ZFHX3: variants seen among roughly 807,000 people sequenced by gnomAD.
ZFHX3 encodes zinc finger homeobox 3.
A neutral mutation model predicts 279.1 loss-of-function variants in ZFHX3; 42 were observed. The observed-to-expected ratio is 0.15, with a 90% CI of 0.12 to 0.19. ZFHX3 has a LOEUF of 0.19. Ranked by LOEUF, ZFHX3 falls within the 10% of genes least tolerant of loss-of-function variation. The probability of loss-of-function intolerance (pLI) is 1.00; values close to 1 mark genes in which losing one functional copy is unlikely to be tolerated. For missense variants in ZFHX3, 4,981 were observed against 4,754.0 expected, an observed-to-expected ratio of 1.05 and a Z score of -1.40; for synonymous variants, 2,293 against 1,957.8, an observed-to-expected ratio of 1.17 and a Z score of -4.52.
intron 5 of ZFHX3, among the ~76,000 whole-genome samples, chr16:73,241,864 T>G (rs2013134986): frequency 6.6e-6 from 1 of 150,716 alleles, no homozygotes; most frequent in African/African-American, 2.5e-5. Flanking sequence ...CTATTTGGAG[T>G]TAGTTCCATC....
chr16:73,513,436 A>C (rs1567506321), intron 2 of ZFHX3, among the ~76,000 whole-genome samples: 1 of 152,158 alleles, frequency 6.6e-6, no homozygotes, highest in Non-Finnish European at 1.5e-5. Flanking sequence ...ATGCACACTA[A>C]TTGTCCCAAG....
At chr16:73,261,836 C>G (rs552701955) in intron 4 of ZFHX3, among the ~76,000 whole-genome samples, 1 of 151,858 alleles carries the variant, frequency 6.6e-6, no homozygotes, top group Non-Finnish European at 1.5e-5. Flanking sequence ...CCACCACGCT[C>G]GGCGAATTTT....
chr16:73,117,568 G>T (rs929812348), intron 7 of ZFHX3, among the ~76,000 whole-genome samples: 1 of 152,154 alleles, frequency 6.6e-6, no homozygotes, highest in Non-Finnish European at 1.5e-5. Flanking sequence ...GTTTTTGGGG[G>T]GATGAGTATT....
At chr16:73,158,481 A>G (rs1235813730) in intron 5 of ZFHX3, among the ~76,000 whole-genome samples, 2 of 151,040 alleles carry the variant, frequency 1.3e-5, no homozygotes, top group African/African-American at 4.9e-5. Context: ...TCTTTCTTTT[A>G]AAAACTTTTT....
chr16:73,065,287 C>G (rs1965733811), intron 8 of ZFHX3, among the ~76,000 whole-genome samples: 1 of 152,132 alleles, frequency 6.6e-6, no homozygotes, highest in Non-Finnish European at 1.5e-5. Flanking sequence ...GAGGGATGCG[C>G]GGCTGAACAA....
At chr16:73,148,898 G>C (rs71388956) in intron 5 of ZFHX3, among the ~76,000 whole-genome samples, 2 of 151,902 alleles carry the variant, frequency 1.3e-5, no homozygotes, top group Admixed American at 1.3e-4. Flanking sequence ...AGTGAGCCTA[G>C]ATGGTACCGC....
At chr16:73,881,483 C>CCCG (rs1555506564) in intron 1 of ZFHX3, among the ~76,000 whole-genome samples, 1 of 72,128 alleles carries the variant, frequency 1.4e-5, no homozygotes, top group Non-Finnish European at 3.8e-5. Flanking sequence ...TCTCTCTGCC[C>CCCG]CCCCCCCCCA....
At chr16:73,370,612 C>T (rs961578972) in intron 3 of ZFHX3, among the ~76,000 whole-genome samples, 13 of 152,168 alleles carry the variant, frequency 8.5e-5, no homozygotes, top group African/African-American at 3.1e-4. Context: ...CCAGGCTGTA[C>T]TTTTTCCCCT....
chr16:73,265,999 G>C (rs1403631465), intron 4 of ZFHX3, among the ~76,000 whole-genome samples: 1 of 152,196 alleles, frequency 6.6e-6, no homozygotes, highest in African/African-American at 2.4e-5. Context: ...ATTGCTAACA[G>C]AGAGTAGAGG....
chr16:72,925,879 T>C (rs1959423750), intron 3 of ZFHX3, among the ~76,000 whole-genome samples: 1 of 152,194 alleles, frequency 6.6e-6, no homozygotes, highest in Non-Finnish European at 1.5e-5. Flanking sequence ...CACAGACTGC[T>C]ACTCCCCTGT....
intron 1 of ZFHX3, among the ~76,000 whole-genome samples, chr16:73,046,243 C>T (rs969762481): frequency 6.6e-6 from 1 of 152,170 alleles, no homozygotes; most frequent in Non-Finnish European, 1.5e-5. Flanking sequence ...TATTTGGAAC[C>T]GTGGTCTCCT....
intron 2 of ZFHX3, among the ~76,000 whole-genome samples, chr16:73,493,059 AT>A (rs533231408): frequency 1.7e-4 from 26 of 150,982 alleles, no homozygotes; most frequent in African/African-American, 2.7e-4. Flanking sequence ...TATTCTTTCA[AT>A]TTTTTTTTTC....
intron 3 of ZFHX3, among the ~76,000 whole-genome samples, chr16:73,375,689 T>TA (rs1326691653): frequency 3.9e-5 from 6 of 152,208 alleles, no homozygotes; most frequent in African/African-American, 1.4e-4. Flanking sequence ...TTCTCCATGC[T>TA]AAAAAATCTC....
intron 3 of ZFHX3, among the ~76,000 whole-genome samples, chr16:73,413,788 G>T (rs1036157650): frequency 6.6e-6 from 1 of 152,148 alleles, no homozygotes; most frequent in Non-Finnish European, 1.5e-5. Context: ...TTTTCTACAC[G>T]TATGTAATGA....
chr16:73,854,445 T>G (rs1409401758), intron 1 of ZFHX3, among the ~76,000 whole-genome samples: 2 of 152,092 alleles, frequency 1.3e-5, no homozygotes, highest in Middle Eastern at 3.2e-3. Context: ...GAGAATTGCT[T>G]GAACCCAGGA....
chr16:73,712,842 G>A (rs116350558), intron 1 of ZFHX3, among the ~76,000 whole-genome samples: 223 of 152,338 alleles, frequency 1.5e-3, no homozygotes, highest in African/African-American at 5.0e-3. Context: ...ACCCCAGTTT[G>A]TGGCCCAGCA....
intron 2 of ZFHX3, among the ~76,000 whole-genome samples, chr16:73,512,616 G>A (rs2019452984): frequency 6.6e-6 from 1 of 152,138 alleles, no homozygotes; most frequent in Admixed American, 6.5e-5. Context: ...GGAAAAATAA[G>A]GTTCCATTAT....
intron 7 of ZFHX3, 62 bp from the exon 8 acceptor site, chr16:72,800,191 T>A: frequency 7.0e-7 from 1 of 1,437,210 alleles, no homozygotes; most frequent in Non-Finnish European, 9.8e-7. Flanking sequence ...AGGAAATGTT[T>A]AAAAATTATT....
intron 5 of ZFHX3, among the ~76,000 whole-genome samples, chr16:73,255,073 A>G (rs1267430417): frequency 1.3e-5 from 2 of 152,234 alleles, no homozygotes; most frequent in Non-Finnish European, 2.9e-5. Context: ...GCCCAGATGC[A>G]ATGAGGAATC....
Sources: gnomAD v4.1 joint callset for allele counts (sites outside exome capture counted in the v4.1 genomes callset) on GRCh38, gnomAD v4.1.1 for gene constraint, MANE v1.5 for transcripts, NCBI Gene and HGNC (gene_info 2026-07-23, HGNC 2026-07-21) for gene names.